TMEM232: variants seen among roughly 807,000 people sequenced by gnomAD.
TMEM232 encodes transmembrane protein 232.
TMEM232 carries 80 observed loss-of-function variants against 78.8 expected under a neutral mutation model. That is an observed-to-expected ratio of 1.01 (90% CI 0.85 to 1.22). The LOEUF is 1.22. Ranked by LOEUF, TMEM232 falls within the 50% of genes most tolerant of loss-of-function variation. The probability of loss-of-function intolerance (pLI) is 0.00; values close to 1 mark genes in which losing one functional copy is unlikely to be tolerated. For synonymous variants in TMEM232, 297 were observed against 254.3 expected (o/e 1.17, Z -1.60); for missense variants, 881 against 742.2 (o/e 1.19, Z -2.17).
chr5:110,697,690 TA>T (rs888091278), intron 1 of TMEM232, among the ~76,000 whole-genome samples: 1 of 151,940 alleles, frequency 6.6e-6, no homozygotes, highest in African/African-American at 2.4e-5. Context: ...AACAGACACA[TA>T]AAAAAATGCT....
At chr5:110,402,586 A>G (rs1755641553) in intron 2 of TMEM232, among the ~76,000 whole-genome samples, 1 of 152,142 alleles carries the variant, frequency 6.6e-6, no homozygotes, top group African/African-American at 2.4e-5. Flanking sequence ...AATCAGTGAC[A>G]GGACTTGGGA....
At chr5:110,580,347 G>A (rs966666163) in intron 10 of TMEM232, among the ~76,000 whole-genome samples, 3 of 151,580 alleles carry the variant, frequency 2.0e-5, no homozygotes, top group Non-Finnish European at 4.4e-5. Context: ...GCATTGTGTT[G>A]CAATTGCCTA....
chr5:110,486,369 G>A (rs1442622894), intron 12 of TMEM232, among the ~76,000 whole-genome samples: 1 of 151,982 alleles, frequency 6.6e-6, no homozygotes, highest in African/African-American at 2.4e-5. Context: ...TTGCCTTTGG[G>A]TTCTTGGTCA....
chr5:110,558,865 C>G (rs937840620), intron 11 of TMEM232, among the ~76,000 whole-genome samples: 1 of 152,150 alleles, frequency 6.6e-6, no homozygotes, highest in Non-Finnish European at 1.5e-5. Flanking sequence ...AGTGGGCTAT[C>G]CCATGCCTGT....
At chr5:110,724,232 C>T (rs976834137) in intron 1 of TMEM232, among the ~76,000 whole-genome samples, 10 of 151,700 alleles carry the variant, frequency 6.6e-5, no homozygotes, top group African/African-American at 2.2e-4. Context: ...GGCCAGAATA[C>T]CCTTCTCTTC....
At chr5:110,664,407 A>C (rs192592479) in intron 2 of TMEM232, among the ~76,000 whole-genome samples, 7 of 152,366 alleles carry the variant, frequency 4.6e-5, no homozygotes, top group African/African-American at 1.4e-4. Flanking sequence ...AATGTGAAAA[A>C]TACAATTTCA....
intron 10 of TMEM232, among the ~76,000 whole-genome samples, chr5:110,596,103 G>A (rs1780128782): frequency 6.6e-6 from 1 of 152,144 alleles, no homozygotes; most frequent in South Asian, 2.1e-4. Flanking sequence ...CAAGCCAGAA[G>A]AGAGTTGGGG....
At chr5:110,587,691 ATGTGTGTGTGTGTGTGTGTGTGTG>A (rs147127408) in intron 10 of TMEM232, among the ~76,000 whole-genome samples, 1 of 63,132 alleles carries the variant, frequency 1.6e-5, no homozygotes, top group African/African-American at 7.2e-5. Flanking sequence ...ATATATATAT[ATGTGTGTGTGTGTGTGTGTGTGTG>A]TGTGTGTGTG....
At chr5:110,413,832 C>T (rs1374172347) in intron 2 of TMEM232, among the ~76,000 whole-genome samples, 3 of 152,086 alleles carry the variant, frequency 2.0e-5, no homozygotes, top group Non-Finnish European at 4.4e-5. Context: ...AATTATTGTT[C>T]TAAAGGGAAT....
At chr5:110,688,832 C>T (rs1793742778) in intron 1 of TMEM232, among the ~76,000 whole-genome samples, 1 of 152,106 alleles carries the variant, frequency 6.6e-6, no homozygotes, top group South Asian at 2.1e-4. Context: ...ACTTGCCTCC[C>T]CCATGTTTTG....
intron 2 of TMEM232, among the ~76,000 whole-genome samples, chr5:110,410,917 A>G (rs1016853847): frequency 3.3e-5 from 5 of 152,110 alleles, no homozygotes; most frequent in African/African-American, 1.2e-4. Context: ...CTTCTCTAAG[A>G]TGATGTGTGT....
At chr5:110,613,733 C>T (rs1434610838) in intron 8 of TMEM232, among the ~76,000 whole-genome samples, 4 of 151,996 alleles carry the variant, frequency 2.6e-5, no homozygotes, top group Non-Finnish European at 5.9e-5. Context: ...CTTAGGAGTA[C>T]ATAAGACCAA....
chr5:110,410,437 C>T (rs311720), intron 2 of TMEM232, among the ~76,000 whole-genome samples: 42,434 of 151,934 alleles, frequency 0.28, 9,874 homozygotes, highest in African/African-American at 0.63. Flanking sequence ...ACTTACACTA[C>T]ACTCAATGTA....
At chr5:110,729,661 A>T (rs905723234), upstream of TMEM232, among the ~76,000 whole-genome samples, 2 of 152,250 alleles carry the variant, frequency 1.3e-5, no homozygotes, top group African/African-American at 4.8e-5. Flanking sequence ...TCAAGATGAA[A>T]GTAGCAATAA....
intron 10 of TMEM232, among the ~76,000 whole-genome samples, chr5:110,598,057 A>C (rs562334403): frequency 2.0e-4 from 30 of 152,328 alleles, no homozygotes; most frequent in African/African-American, 6.5e-4. Flanking sequence ...AAAAGAAACT[A>C]CCATCAGAGC....
chr5:110,666,075 T>C (rs1394677030), intron 2 of TMEM232, among the ~76,000 whole-genome samples: 1 of 152,048 alleles, frequency 6.6e-6, no homozygotes. Context: ...GATGACCCTG[T>C]CTCTAAAAAT....
At chr5:110,620,845 T>C (rs1470076830) in intron 7 of TMEM232, among the ~76,000 whole-genome samples, 1 of 150,294 alleles carries the variant, frequency 6.7e-6, no homozygotes, top group Non-Finnish European at 1.5e-5. Flanking sequence ...AGGAATTTTA[T>C]GTATTTCAAG....
rs1783019989 is a variant in TMEM232, at chr5:110,617,129, A to G, written c.902+1300T>C. On this transcript the variant is annotated intron_variant, in intron 8 of 13. Coordinates refer to ENST00000455884, the MANE Select transcript of TMEM232 (RefSeq NM_001039763.4). ...AAGTTCTGTCATTCATAAAAACATGAATGGACATCGAGGCATTATGCTAAA... is the reference window on the plus strand; with the variant it reads ...AAGTTCTGTCATTCATAAAAACATGGATGGACATCGAGGCATTATGCTAAA... Among the ~76,000 whole-genome samples the G allele has an allele frequency of 2.0e-5, 3 of 152,238 alleles. No homozygotes were observed. The South Asian group carries it at 6.2e-4, about 32-fold the overall frequency.
intron 10 of TMEM232, among the ~76,000 whole-genome samples, chr5:110,597,414 A>G (rs1780305644): frequency 6.6e-6 from 1 of 152,224 alleles, no homozygotes; most frequent in Non-Finnish European, 1.5e-5. Flanking sequence ...GGAAGAATCA[A>G]TATTGTGAAA....
Sources: allele counts gnomAD v4.1 joint callset (sites outside exome capture counted in the v4.1 genomes callset), GRCh38; gene constraint gnomAD v4.1.1; transcripts MANE v1.5; gene names NCBI Gene and HGNC (gene_info 2026-07-23, HGNC 2026-07-21).